SEMA6D: variants seen among roughly 807,000 people sequenced by gnomAD.
SEMA6D encodes the protein semaphorin-6D.
In SEMA6D, 35 loss-of-function variants were observed where a neutral mutation model predicts 106.6. That is an observed-to-expected ratio of 0.33 (90% CI 0.25 to 0.44). The LOEUF is 0.44. Among genes scored for constraint, SEMA6D ranks in the 20% least tolerant of loss-of-function variants. SEMA6D has a pLI of 1.00. For synonymous variants in SEMA6D, 499 were observed against 487.7 expected (o/e 1.02, Z -0.31); for missense variants, 1,185 against 1,345.9 (o/e 0.88, Z 1.87).
chr15:47,473,687 C>G (rs543049564), intron 3 of SEMA6D, among the ~76,000 whole-genome samples: 67 of 152,040 alleles, frequency 4.4e-4, no homozygotes, highest in African/African-American at 1.6e-3. Flanking sequence ...TGGCTCTGAA[C>G]GGATTTCAGA....
chr15:47,637,120 A>T (rs73392807), intron 4 of SEMA6D, among the ~76,000 whole-genome samples: 1 of 152,172 alleles, frequency 6.6e-6, no homozygotes, highest in Non-Finnish European at 1.5e-5. Context: ...GAATTTTTGT[A>T]CATCTTCTCA....
rs1160073613 is a variant in SEMA6D, at chr15:47,759,732, TTC to T, written c.-54-11_-54-10del. 5 of 1,142,810 alleles carry T rather than the reference TTC, an allele frequency of 4.4e-6. No individual in the cohort carries two copies. The African/African-American group carries it at 7.6e-5, about 17-fold the overall frequency. 70.8% of individuals were successfully genotyped at this position (1,142,810 alleles called of 1,614,324 possible). On this transcript the variant is annotated splice_polypyrimidine_tract_variant and intron_variant, in intron 1 of 18. Transcript: ENST00000536845. ...CAGCATAGAGATCTTTCCAAACTGCTTCTGTTTTCCAGGTAGCTCAGTGGCAT... is the reference window on the plus strand; with the variant it reads ...CAGCATAGAGATCTTTCCAAACTGCTTGTTTTCCAGGTAGCTCAGTGGCAT...
intron 2 of SEMA6D, among the ~76,000 whole-genome samples, chr15:47,431,185 G>T (rs1179605247): frequency 1.3e-5 from 2 of 152,140 alleles, no homozygotes; most frequent in South Asian, 2.1e-4. Context: ...TGTATGCAAG[G>T]TATATAATAA....
chr15:47,346,449 C>G (rs2038049457), intron 1 of SEMA6D, among the ~76,000 whole-genome samples: 1 of 148,530 alleles, frequency 6.7e-6, no homozygotes, highest in African/African-American at 2.6e-5. Flanking sequence ...ATCCCTAAAA[C>G]TTTTTCCATG....
chr15:47,237,410 T>C (rs1451590926), intron 1 of SEMA6D, among the ~76,000 whole-genome samples: 1 of 150,310 alleles, frequency 6.7e-6, no homozygotes, highest in Non-Finnish European at 1.5e-5. Context: ...AATGAGACTG[T>C]CATGATAAAC....
intron 1 of SEMA6D, among the ~76,000 whole-genome samples, chr15:47,277,628 A>G (rs2034889494): frequency 8.0e-6 from 1 of 125,698 alleles, no homozygotes; most frequent in East Asian, 2.1e-4. Flanking sequence ...TATTATTATT[A>G]TACTTTAAGT....
At chr15:47,300,820 G>A (rs1222032703) in intron 1 of SEMA6D, among the ~76,000 whole-genome samples, 1 of 152,170 alleles carries the variant, frequency 6.6e-6, no homozygotes, top group Non-Finnish European at 1.5e-5. Context: ...CAACACAGCT[G>A]TTGTATGTCA....
chr15:47,735,640 T>C (rs775456486), intron 1 of SEMA6D, among the ~76,000 whole-genome samples: 1 of 152,204 alleles, frequency 6.6e-6, no homozygotes, highest in African/African-American at 2.4e-5. Context: ...CTTGAAGCTG[T>C]CATTTACTTG....
chr15:47,567,782 G>C (rs2046270467), intron 3 of SEMA6D, among the ~76,000 whole-genome samples: 1 of 152,122 alleles, frequency 6.6e-6, no homozygotes, highest in Non-Finnish European at 1.5e-5. Flanking sequence ...CCTAAAAGTA[G>C]GCCTGGGATA....
intron 4 of SEMA6D, chr15:47,603,228 A>T (rs1162291785): frequency 1.3e-5 from 2 of 152,050 alleles, no homozygotes; most frequent in African/African-American, 2.4e-5. Flanking sequence ...GTGACTCACC[A>T]CTCAGCATCA....
At chr15:47,231,162 TTC>T (rs2032167923) in intron 1 of SEMA6D, among the ~76,000 whole-genome samples, 1 of 151,972 alleles carries the variant, frequency 6.6e-6, no homozygotes, top group Non-Finnish European at 1.5e-5. Flanking sequence ...CCTTCTCTTT[TTC>T]TCTCTCTTTT....
intron 3 of SEMA6D, among the ~76,000 whole-genome samples, chr15:47,584,441 G>A (rs2076303465): frequency 6.6e-6 from 1 of 150,936 alleles, no homozygotes; most frequent in Non-Finnish European, 1.5e-5. Flanking sequence ...AAAAAAAAAA[G>A]GAGAGTGAAT....
At chr15:47,308,255 C>T (rs1304243566) in intron 1 of SEMA6D, among the ~76,000 whole-genome samples, 4 of 152,092 alleles carry the variant, frequency 2.6e-5, no homozygotes, top group Non-Finnish European at 5.9e-5. Context: ...ACATAGTTGC[C>T]ACATGGCCAT....
At chr15:47,395,222 G>T (rs1595896864) in intron 1 of SEMA6D, among the ~76,000 whole-genome samples, 1 of 152,106 alleles carries the variant, frequency 6.6e-6, no homozygotes, top group African/African-American at 2.4e-5. Flanking sequence ...CACAGTGAGG[G>T]GGAAGAGATT....
At chr15:47,456,336 T>A (rs979931126) in intron 2 of SEMA6D, among the ~76,000 whole-genome samples, 4 of 151,952 alleles carry the variant, frequency 2.6e-5, no homozygotes, top group African/African-American at 9.7e-5. Flanking sequence ...TACCTCTAAT[T>A]GAAATGTAAC....
intron 1 of SEMA6D, among the ~76,000 whole-genome samples, chr15:47,309,759 C>G (rs1049715740): frequency 3.0e-4 from 46 of 152,280 alleles, no homozygotes; most frequent in African/African-American, 9.1e-4. Flanking sequence ...AGCGGGCAAA[C>G]TCATCTAACA....
chr15:47,345,633 C>T (rs1254500589), intron 1 of SEMA6D, among the ~76,000 whole-genome samples: 2 of 152,226 alleles, frequency 1.3e-5, no homozygotes, highest in East Asian at 3.9e-4. Context: ...AAACGTTTGT[C>T]TCCTTGAGTT....
chr15:47,589,767 G>A (rs962377245), intron 3 of SEMA6D, among the ~76,000 whole-genome samples: 5 of 152,230 alleles, frequency 3.3e-5, no homozygotes, highest in African/African-American at 4.8e-5. Flanking sequence ...GTCACTGGTG[G>A]CCTTACAAGA....
intron 3 of SEMA6D, among the ~76,000 whole-genome samples, chr15:47,569,466 T>C (rs1448171999): frequency 6.6e-6 from 1 of 152,150 alleles, no homozygotes; most frequent in Non-Finnish European, 1.5e-5. Flanking sequence ...ATTCCGTGGA[T>C]CCTGAACTAT....
Sources: gnomAD v4.1 joint callset for allele counts (sites outside exome capture counted in the v4.1 genomes callset) on GRCh38, gnomAD v4.1.1 for gene constraint, MANE v1.5 for transcripts, NCBI Gene and HGNC (gene_info 2026-07-23, HGNC 2026-07-21) for gene names.